The following DCC variants were observed in gnomAD, a reference collection of about 807,000 sequenced individuals.
DCC encodes the protein netrin receptor DCC.
Under a neutral mutation model 172.5 loss-of-function variants are expected in DCC, and 58 were observed. The ratio of observed to expected loss-of-function variants is 0.34; its 90% CI spans 0.27 to 0.42. The LOEUF (loss-of-function observed/expected upper bound fraction) is 0.42. Ranked by LOEUF, DCC falls within the 10% of genes least tolerant of loss-of-function variation. The pLI, the probability that DCC is intolerant of heterozygous loss-of-function variation, is 1.00. For missense variants in DCC, 1,740 were observed against 1,791.0 expected, an observed-to-expected ratio of 0.97 and a Z score of 0.51; for synonymous variants, 709 against 644.5, an observed-to-expected ratio of 1.10 and a Z score of -1.52.
At chr18:53,043,126 A>G (rs1193329220) in intron 5 of DCC, among the ~76,000 whole-genome samples, 1 of 152,030 alleles carries the variant, frequency 6.6e-6, no homozygotes, top group Admixed American at 6.6e-5. Flanking sequence ...ACCATGGAAT[A>G]CTATGCCTCC....
intron 1 of DCC, among the ~76,000 whole-genome samples, chr18:52,455,148 C>T (rs1356467304): frequency 1.3e-5 from 2 of 152,124 alleles, no homozygotes; most frequent in Admixed American, 1.3e-4. Context: ...CCTAAGATTA[C>T]AAGCACAGAT....
At chr18:53,212,297 C>T (rs537607690) in intron 11 of DCC, among the ~76,000 whole-genome samples, 6 of 152,228 alleles carry the variant, frequency 3.9e-5, no homozygotes, top group African/African-American at 1.4e-4. Context: ...AATTATTTGA[C>T]ATTTTGAAGA....
chr18:53,057,131 C>T (rs1044376798), intron 5 of DCC, among the ~76,000 whole-genome samples: 40 of 141,480 alleles, frequency 2.8e-4, no homozygotes, highest in African/African-American at 1.0e-3. Flanking sequence ...TGGGGTGTTG[C>T]TGAAAATACT....
chr18:52,361,723 G>T (rs1984626374), intron 1 of DCC, among the ~76,000 whole-genome samples: 1 of 152,186 alleles, frequency 6.6e-6, no homozygotes. Flanking sequence ...AAGATCCCCA[G>T]GTGATGGCTA....
chr18:53,052,930 G>T (rs1421473686), intron 5 of DCC, among the ~76,000 whole-genome samples: 3 of 152,046 alleles, frequency 2.0e-5, no homozygotes, highest in Non-Finnish European at 4.4e-5. Context: ...ATCACTTGAG[G>T]TCAGGAGTTT....
Position 52,364,363 on chromosome 18 carries a change from C to T in DCC, c.91+23485C>T, listed in dbSNP as rs1186872249. Among the ~76,000 whole-genome samples, 4 of 148,990 alleles carry T rather than the reference C, an allele frequency of 2.7e-5. No individual in the cohort carries two copies. The Admixed American group carries it at 2.8e-4, about 10-fold the overall frequency. ...ATATAAGAAAATATAAATCACTCATCGTTACATGACTCAGAGTTAATTACT... is the reference window on the plus strand; with the variant it reads ...ATATAAGAAAATATAAATCACTCATTGTTACATGACTCAGAGTTAATTACT... On this transcript the variant is annotated intron_variant, in intron 1 of 28. Coordinates refer to ENST00000442544, the MANE Select transcript of DCC (RefSeq NM_005215.4).
intron 16 of DCC, 97 bp downstream of exon 16, chr18:53,386,235 T>G: frequency 1.3e-6 from 1 of 778,640 alleles, no homozygotes; most frequent in Non-Finnish European, 2.2e-6. Context: ...AAAATGAATA[T>G]ATCCTATCAT....
At chr18:52,500,587 G>A (rs1263121537) in intron 1 of DCC, among the ~76,000 whole-genome samples, 1 of 152,088 alleles carries the variant, frequency 6.6e-6, no homozygotes, top group Non-Finnish European at 1.5e-5. Flanking sequence ...TGGTGTCTTG[G>A]ATATTTCTCT....
At chr18:53,136,542 T>G (rs551894344) in intron 7 of DCC, among the ~76,000 whole-genome samples, 2 of 152,188 alleles carry the variant, frequency 1.3e-5, no homozygotes, top group Admixed American at 6.5e-5. Context: ...AGTCTACTTA[T>G]ATAAAATTCT....
chr18:53,516,751 C>T (rs2144570971), intron 27 of DCC, among the ~76,000 whole-genome samples: 2 of 146,128 alleles, frequency 1.4e-5, no homozygotes, highest in South Asian at 4.2e-4. Context: ...CAATGAGATA[C>T]CATCTCACAC....
In DCC at chr18:52,551,757, C is replaced by CACACACACAT. The variant is rs1555696372; in HGVS notation, c.92-200288_92-200287insTACACACACA. On this transcript the variant is annotated intron_variant, in intron 1 of 28. Transcript: ENST00000442544. The stretch of plus-strand genomic sequence containing the variant: ...ACACACACACACACACACACACACA[C>CACACACACAT]ACACACACACACTTTGCAGCATGAA... Among the ~76,000 whole-genome samples the CACACACACAT allele has an allele frequency of 5.7e-3, 799 of 139,536 alleles. 166 individuals are homozygous for CACACACACAT. The highest frequency in any genetic ancestry group is 0.016 in the South Asian group (67 of 4,146). The allele number at this position is 139,536 out of a possible 152,430, so 91.5% of individuals were successfully genotyped here. A position where few individuals can be genotyped will look rare whatever the true frequency, so the allele number is the denominator to read the frequency against.
chr18:52,705,408 C>T (rs1229950289), intron 1 of DCC, among the ~76,000 whole-genome samples: 3 of 152,146 alleles, frequency 2.0e-5, no homozygotes, highest in Non-Finnish European at 4.4e-5. Flanking sequence ...TGAAAGGAAG[C>T]CAACATGCGT....
intron 5 of DCC, among the ~76,000 whole-genome samples, chr18:53,061,012 C>T (rs952229223): frequency 6.6e-6 from 1 of 152,104 alleles, no homozygotes; most frequent in African/African-American, 2.4e-5. Flanking sequence ...AGTATAGTTA[C>T]ATACAATAAT....
At chr18:52,798,427 C>T (rs1325305045) in intron 2 of DCC, among the ~76,000 whole-genome samples, 2 of 152,166 alleles carry the variant, frequency 1.3e-5, no homozygotes, top group Admixed American at 6.5e-5. Flanking sequence ...TGCCCTCTGA[C>T]TCCTGACTTC....
intron 13 of DCC, among the ~76,000 whole-genome samples, chr18:53,314,199 G>T (rs920310210): frequency 1.4e-4 from 22 of 152,216 alleles, no homozygotes; most frequent in African/African-American, 5.3e-4. Flanking sequence ...CTGAAACCTG[G>T]AATTCTAAAG....
chr18:52,940,376 G>A (rs1441540914), intron 5 of DCC, among the ~76,000 whole-genome samples: 2 of 152,002 alleles, frequency 1.3e-5, no homozygotes, highest in Non-Finnish European at 2.9e-5. Flanking sequence ...TTCTTGTCTC[G>A]ACCACTTTCA....
intron 2 of DCC, among the ~76,000 whole-genome samples, chr18:52,824,183 T>C (rs556902776): frequency 3.8e-4 from 58 of 152,318 alleles, no homozygotes; most frequent in African/African-American, 1.3e-3. Context: ...ACGCTGGTTT[T>C]CAATAAAGGG....
intron 1 of DCC, among the ~76,000 whole-genome samples, chr18:52,641,802 T>C (rs2034895764): frequency 6.6e-6 from 1 of 151,960 alleles, no homozygotes; most frequent in East Asian, 1.9e-4. Context: ...TGGAAAACAG[T>C]GTGGAGGTTC....
intron 1 of DCC, among the ~76,000 whole-genome samples, chr18:52,664,196 T>C (rs1771038880): frequency 6.6e-6 from 1 of 152,158 alleles, no homozygotes; most frequent in African/African-American, 2.4e-5. Flanking sequence ...ATCTTAGGCA[T>C]GAACAAATCA....
Sources: allele counts gnomAD v4.1 joint callset (sites outside exome capture counted in the v4.1 genomes callset), GRCh38; gene constraint gnomAD v4.1.1; transcripts MANE v1.5; gene names NCBI Gene and HGNC (gene_info 2026-07-23, HGNC 2026-07-21).